Variants in RSRC1 observed in about 807,000 individuals in gnomAD.
RSRC1 encodes the protein arginine and serine rich coiled-coil 1.
RSRC1 carries 39 observed loss-of-function variants against 49.1 expected under a neutral mutation model. The observed-to-expected ratio is 0.79, with a 90% confidence interval of 0.61 to 1.04. The LOEUF (loss-of-function observed/expected upper bound fraction) is 1.04, where lower values mean the gene tolerates loss of function less well. Among genes scored for constraint, RSRC1 ranks in the 50% least tolerant of loss-of-function variants. RSRC1 has a pLI of 0.00. For missense variants in RSRC1, 388 were observed against 402.4 expected, an observed-to-expected ratio of 0.96 and a Z score of 0.31; for synonymous variants, 143 against 130.8, an observed-to-expected ratio of 1.09 and a Z score of -0.63.
intron 7 of RSRC1, among the ~76,000 whole-genome samples, chr3:158,482,712 T>C (rs947338125): frequency 1.3e-5 from 2 of 152,054 alleles, no homozygotes; most frequent in Non-Finnish European, 2.9e-5. Flanking sequence ...ACCTTTGTTA[T>C]TGAAAAGGTA....
At chr3:158,232,430 T>C (rs1393478038) in intron 4 of RSRC1, among the ~76,000 whole-genome samples, 1 of 152,130 alleles carries the variant, frequency 6.6e-6, no homozygotes, top group African/African-American at 2.4e-5. Context: ...AAGAAAAGCA[T>C]GTTACTTGAC....
intron 3 of RSRC1, among the ~76,000 whole-genome samples, chr3:158,194,873 C>A (rs1578184177): frequency 6.6e-6 from 1 of 152,096 alleles, no homozygotes; most frequent in East Asian, 1.9e-4. Flanking sequence ...ATATGTGCCA[C>A]ATTTTCTTAA....
chr3:158,225,623 G>A (rs930821927), intron 4 of RSRC1: 1 of 435,382 alleles, frequency 2.3e-6, no homozygotes, highest in Non-Finnish European at 4.5e-6. Context: ...AGCATCATAG[G>A]TATATTAATG....
intron 6 of RSRC1, among the ~76,000 whole-genome samples, chr3:158,434,349 G>A (rs778664091): frequency 4.0e-5 from 6 of 150,688 alleles, no homozygotes; most frequent in Non-Finnish European, 8.9e-5. Flanking sequence ...TCCCAAAAAA[G>A]CCTGACATTT....
At chr3:158,144,613 A>G (rs1330604780) in intron 3 of RSRC1, among the ~76,000 whole-genome samples, 2 of 152,290 alleles carry the variant, frequency 1.3e-5, no homozygotes, top group Non-Finnish European at 2.9e-5. Context: ...ATGTGTCTTT[A>G]TAGCAGCATG....
intron 6 of RSRC1, among the ~76,000 whole-genome samples, chr3:158,434,981 A>C (rs182173740): frequency 6.6e-5 from 10 of 152,070 alleles, no homozygotes; most frequent in African/African-American, 1.2e-4. Flanking sequence ...GACTGTACAA[A>C]ATATTTTAAG....
intron 5 of RSRC1, among the ~76,000 whole-genome samples, chr3:158,337,267 C>G (rs1473646840): frequency 6.6e-6 from 1 of 152,212 alleles, no homozygotes; most frequent in Non-Finnish European, 1.5e-5. Context: ...TCCTTGCTAT[C>G]ATGAAGACAT....
At chr3:158,142,624 G>T (rs1716818755) in intron 3 of RSRC1, among the ~76,000 whole-genome samples, 1 of 152,092 alleles carries the variant, frequency 6.6e-6, no homozygotes, top group African/African-American at 2.4e-5. Flanking sequence ...CACATCACAT[G>T]GTGAGAGTGG....
chr3:158,364,338 C>A (rs1427316655), intron 6 of RSRC1, among the ~76,000 whole-genome samples: 5 of 152,022 alleles, frequency 3.3e-5, no homozygotes, highest in African/African-American at 4.8e-5. Context: ...TGTGAGAGAG[C>A]CTTTCATGTT....
chr3:158,120,677 AATATATATTTT>A (rs955521509), intron 1 of RSRC1, among the ~76,000 whole-genome samples: 3 of 147,332 alleles, frequency 2.0e-5, no homozygotes, highest in African/African-American at 4.9e-5. Flanking sequence ...TTAAATAGAT[AATATATATTTT>A]ATATATATAT....
At chr3:158,528,453 A>G (rs1335763831) in intron 7 of RSRC1, among the ~76,000 whole-genome samples, 1 of 151,868 alleles carries the variant, frequency 6.6e-6, no homozygotes, top group African/African-American at 2.4e-5. Context: ...GTGTGCTAAG[A>G]AAAAAGAGCT....
At chr3:158,450,515 A>G (rs1736968603) in intron 6 of RSRC1, among the ~76,000 whole-genome samples, 1 of 151,832 alleles carries the variant, frequency 6.6e-6, no homozygotes, top group African/African-American at 2.4e-5. Flanking sequence ...GTACATTTGT[A>G]TTGCTGGCAT....
chr3:158,168,451 G>A (rs1441404832), intron 3 of RSRC1, among the ~76,000 whole-genome samples: 2 of 152,144 alleles, frequency 1.3e-5, no homozygotes, highest in Admixed American at 1.3e-4. Flanking sequence ...TGAAGCATAC[G>A]TACCAATAGG....
rs566276820 is a variant in RSRC1, at chr3:158,269,593, A to T, written c.495-28446A>T. Among the ~76,000 whole-genome samples the T allele has an allele frequency of 1.8e-4, 27 of 152,104 alleles. No homozygotes were observed. In the Middle Eastern group the frequency reaches 0.01, roughly 57 times the overall value. ...AGTGGCACAATCTCGGCTTACTGCA[A>T]CCTCTGCCTCCCGGGTTGAAGTGAC... is the stretch of plus-strand genomic sequence containing the variant. On this transcript the variant is annotated intron_variant, in intron 4 of 9. Transcript: ENST00000611884.
chr3:158,513,288 C>A (rs1740292725), intron 7 of RSRC1, among the ~76,000 whole-genome samples: 1 of 151,398 alleles, frequency 6.6e-6, no homozygotes, highest in African/African-American at 2.4e-5. Flanking sequence ...GAAATACGTC[C>A]CATCAATACC....
At chr3:158,140,681 C>A (rs2108195583) in intron 3 of RSRC1, among the ~76,000 whole-genome samples, 1 of 152,294 alleles carries the variant, frequency 6.6e-6, no homozygotes, top group South Asian at 2.1e-4. Context: ...CTGCCAATTT[C>A]CTCTTAGGTG....
chr3:158,424,806 G>A (rs1249296491), intron 6 of RSRC1, among the ~76,000 whole-genome samples: 1 of 152,090 alleles, frequency 6.6e-6, no homozygotes, highest in Non-Finnish European at 1.5e-5. Flanking sequence ...GCTTAGTCTT[G>A]GGAGAGTGTA....
chr3:158,202,787 T>C (rs1721133253), intron 3 of RSRC1, among the ~76,000 whole-genome samples: 1 of 151,802 alleles, frequency 6.6e-6, no homozygotes, highest in African/African-American at 2.4e-5. Flanking sequence ...ATTAGATACA[T>C]TATTTGAGGA....
intron 3 of RSRC1, among the ~76,000 whole-genome samples, chr3:158,181,292 G>A (rs1450456115): frequency 6.6e-6 from 1 of 152,148 alleles, no homozygotes; most frequent in Non-Finnish European, 1.5e-5. Context: ...AGGCAAATGT[G>A]GCATGCTAAG....
Sources: gnomAD v4.1 joint callset for allele counts (sites outside exome capture counted in the v4.1 genomes callset) on GRCh38, gnomAD v4.1.1 for gene constraint, MANE v1.5 for transcripts, NCBI Gene and HGNC (gene_info 2026-07-23, HGNC 2026-07-21) for gene names.